The following RGS9 variants were observed in gnomAD, a reference collection of about 807,000 sequenced individuals.
The protein encoded by RGS9 is regulator of G protein signaling 9.
In RGS9, 78 loss-of-function variants were observed where a neutral mutation model predicts 102.0. The observed-to-expected ratio is 0.76, with a 90% CI of 0.64 to 0.92. RGS9 has a LOEUF of 0.92. Among genes scored for constraint, RGS9 ranks in the 40% least tolerant of loss-of-function variants. The pLI, the probability that RGS9 is intolerant of heterozygous loss-of-function variation, is 0.00. For missense variants in RGS9, 833 were observed against 866.1 expected (o/e 0.96, Z 0.48); for synonymous variants, 353 against 318.6 (o/e 1.11, Z -1.15).
At chr17:65,169,388 G>T (rs532459285) in intron 8 of RGS9, among the ~76,000 whole-genome samples, 14 of 152,258 alleles carry the variant, frequency 9.2e-5, no homozygotes, top group African/African-American at 3.4e-4. Context: ...GTATCTGGGG[G>T]CCGGGTGACA....
chr17:65,181,640 G>A (rs112598470), intron 9 of RGS9, among the ~76,000 whole-genome samples: 9 of 152,210 alleles, frequency 5.9e-5, no homozygotes, highest in African/African-American at 1.7e-4. Flanking sequence ...GGCAGGGGCC[G>A]CTCATGGCAG....
chr17:65,211,334 T>C (rs181993694), intron 17 of RGS9, among the ~76,000 whole-genome samples: 19 of 152,354 alleles, frequency 1.2e-4, no homozygotes, highest in Admixed American at 1.2e-3. Context: ...TGATGGGCTC[T>C]CTTCTTCCCA....
At chr17:65,213,028 T>C (rs962642928) in intron 17 of RGS9, among the ~76,000 whole-genome samples, 1 of 152,238 alleles carries the variant, frequency 6.6e-6, no homozygotes, top group South Asian at 2.1e-4. Context: ...TCCTGGTTCC[T>C]GTTCCTGGCT....
intron 7 of RGS9, among the ~76,000 whole-genome samples, chr17:65,166,548 A>G (rs1489577169): frequency 6.6e-6 from 1 of 152,242 alleles, no homozygotes; most frequent in Non-Finnish European, 1.5e-5. Context: ...GAATGAATGA[A>G]TGAAAAATTA....
chr17:65,176,687 T>A (rs947256846), intron 8 of RGS9, among the ~76,000 whole-genome samples: 108 of 152,022 alleles, frequency 7.1e-4, no homozygotes, highest in Non-Finnish European at 2.5e-4. Context: ...GCCCACTCAC[T>A]CATCCATCCA....
chr17:65,153,427 A>T lies in RGS9; in HGVS notation c.63A>T (p.Glu21Asp), dbSNP rs1910655293. Reference sequence around the variant, plus strand: ...TTTCCTGTTCTGTCTTGCAGATTGAAGCGCTCGTGAAGGACATGCAGAACC... The same window carrying T: ...TTTCCTGTTCTGTCTTGCAGATTGATGCGCTCGTGAAGGACATGCAGAACC... ...RPRMAFLQKIEALVKDMQNPE... is the reference protein window; with the variant it reads ...RPRMAFLQKIDALVKDMQNPE... Residue 21 changes from glutamate to aspartate, a missense_variant, in exon 2 of 19, where the codon GAA (glutamate) becomes GAT (aspartate). By Grantham distance (45) the Glu-to-Asp change is conservative. Transcript: ENST00000262406. 2 of 1,613,902 alleles carry T rather than the reference A, an allele frequency of 1.2e-6. No individual in the cohort carries two copies. Among genetic ancestry groups the T allele is most frequent in the East Asian group, 4.5e-5 (2 of 44,894 alleles).
rs56275900 is a variant in RGS9, at chr17:65,179,635, C to CTGTGTGTGTGTG, written c.654+1868_654+1879dup. ...TGACCCAAGCCAGGATACTGCTCAG[C>CTGTGTGTGTGTG]TGTGTGTGTGTGTGTGTGTGTGTGT... is the stretch of plus-strand genomic sequence containing the variant. On this transcript the variant is annotated intron_variant, in intron 9 of 18. Transcript: ENST00000262406. 3.8e-3 allele frequency among the ~76,000 whole-genome samples: 476 copies of CTGTGTGTGTGTG among 125,068 alleles called. 1 individual carries two copies. The highest frequency in any genetic ancestry group is 0.013 in the African/African-American group (413 of 30,736). 82.0% of individuals were successfully genotyped at this position (125,068 alleles called of 152,430 possible).
intron 13 of RGS9, among the ~76,000 whole-genome samples, chr17:65,199,484 GTTCC>G (rs1912731269): frequency 1.5e-5 from 2 of 131,800 alleles, no homozygotes; most frequent in African/African-American, 5.8e-5. Flanking sequence ...CAGCGCTTCT[GTTCC>G]TTTTTTTTTT....
At chr17:65,169,299 T>A (rs2144017655) in intron 8 of RGS9, among the ~76,000 whole-genome samples, 1 of 152,314 alleles carries the variant, frequency 6.6e-6, no homozygotes, top group East Asian at 1.9e-4. Flanking sequence ...CTGAGGTTGA[T>A]CCCAAACAGC....
chr17:65,222,879 T>C (rs73994764), intron 17 of RGS9, among the ~76,000 whole-genome samples: 10,966 of 152,232 alleles, frequency 0.072, 1,313 homozygotes, highest in African/African-American at 0.25. Flanking sequence ...GCCTTTGTAC[T>C]AAGCACCCTG....
chr17:65,172,495 A>C (rs1401738894), intron 8 of RGS9, among the ~76,000 whole-genome samples: 2 of 152,160 alleles, frequency 1.3e-5, no homozygotes, highest in Non-Finnish European at 2.9e-5. Flanking sequence ...GCGGCCTGAC[A>C]CATAATGTTA....
At chr17:65,216,070 T>C (rs1016203116) in intron 17 of RGS9, among the ~76,000 whole-genome samples, 1 of 152,198 alleles carries the variant, frequency 6.6e-6, no homozygotes, top group African/African-American at 2.4e-5. Context: ...AGATTGAGTA[T>C]AATTTTCCAA....
intron 1 of RGS9, among the ~76,000 whole-genome samples, chr17:65,151,343 CAA>C (rs770022633): frequency 1.7e-4 from 16 of 95,892 alleles, no homozygotes; most frequent in East Asian, 2.9e-4. Context: ...AGACCTGTCC[CAA>C]AAAAAAAAAA....
intron 15 of RGS9, among the ~76,000 whole-genome samples, chr17:65,206,138 A>G (rs1344547935): frequency 6.6e-6 from 1 of 152,162 alleles, no homozygotes; most frequent in Non-Finnish European, 1.5e-5. Flanking sequence ...TTCCTGATTT[A>G]TATTTCTTCT....
Position 65,227,538 on chromosome 17 carries a change from A to G in RGS9, c.*131A>G, listed in dbSNP as rs1375568581. 8.7e-6 allele frequency: 11 copies of G among 1,261,876 alleles called. No homozygotes were observed. The East Asian group carries it at 1.3e-4, about 15-fold the overall frequency. 78.2% of individuals were successfully genotyped at this position (1,261,876 alleles called of 1,614,324 possible). ...GGTGACATTTGAAGATTGGGGAGACAAGATGGGGTAGATTGTGGCAAAGAA... is the reference window on the plus strand; with the variant it reads ...GGTGACATTTGAAGATTGGGGAGACGAGATGGGGTAGATTGTGGCAAAGAA... On this transcript the variant is annotated 3_prime_UTR_variant, in exon 19 of 19. Transcript: ENST00000262406.
intron 9 of RGS9, among the ~76,000 whole-genome samples, chr17:65,187,137 G>A (rs1175000828): frequency 6.6e-6 from 1 of 152,124 alleles, no homozygotes; most frequent in Admixed American, 6.5e-5. Flanking sequence ...ATGCTATTAA[G>A]CTTAGAAAAT....
chr17:65,153,600 C>CT lies in RGS9; in HGVS notation c.154+85dup, dbSNP rs1332983227. 5.6e-6 allele frequency: 7 copies of CT among 1,241,808 alleles called. No individual in the cohort carries two copies. The East Asian group carries it at 1.6e-4, about 29-fold the overall frequency. 76.9% of individuals were successfully genotyped at this position (1,241,808 alleles called of 1,614,324 possible). ...GCCCACCTCCTGTGTTTGTAAAAAA[C>CT]TTTATTTTTGGCCAGGTGCAGTGGC... On this transcript the variant is annotated intron_variant, in intron 2 of 18. Transcript: ENST00000262406.
At chr17:65,141,546 A>G (rs1910157807) in intron 1 of RGS9, among the ~76,000 whole-genome samples, 1 of 152,244 alleles carries the variant, frequency 6.6e-6, no homozygotes, top group South Asian at 2.1e-4. Context: ...CATTCAATAC[A>G]GACATATAAT....
chr17:65,152,684 C>A (rs2143972778), intron 1 of RGS9, among the ~76,000 whole-genome samples: 1 of 152,236 alleles, frequency 6.6e-6, no homozygotes, highest in Middle Eastern at 3.4e-3. Flanking sequence ...GCATGTACCA[C>A]CACGCCCAGA....
Sources: allele counts gnomAD v4.1 joint callset (sites outside exome capture counted in the v4.1 genomes callset), GRCh38; gene constraint gnomAD v4.1.1; transcripts MANE v1.5; gene names NCBI Gene and HGNC (gene_info 2026-07-23, HGNC 2026-07-21).